Variants in FHL1 observed in about 807,000 individuals in gnomAD.
FHL1 encodes four and a half LIM domains protein 1.
Under a neutral mutation model 20.3 loss-of-function variants are expected in FHL1, and 1 was observed. The ratio of observed to expected loss-of-function variants is 0.05; its 90% confidence interval spans 0.02 to 0.23. FHL1 has a LOEUF of 0.23. Ranked by LOEUF, FHL1 falls within the 10% of genes least tolerant of loss-of-function variation. The pLI is 1.00. For missense variants in FHL1, 177 were observed against 234.0 expected (o/e 0.76, Z 1.59); for synonymous variants, 82 against 88.9 (o/e 0.92, Z 0.44).
chrX:136,183,246 AT>A (rs991885488), intron 2 of FHL1, among the ~76,000 whole-genome samples: 1 of 111,689 alleles, frequency 9.0e-6, no homozygotes, highest in African/African-American at 3.2e-5. Context: ...AAAATAAATT[AT>A]ATTTGGAGAG....
rs777858178 is a variant in FHL1, at chrX:136,147,571, C to T, written c.-158C>T. 0.027 allele frequency: 2,994 copies of T among 109,658 alleles called. 100 individuals are homozygous for T. Among genetic ancestry groups the T allele is most frequent in the African/African-American group, 0.094 (2,828 of 29,958 alleles). The allele number at this position is 109,658 out of a possible 1,213,427, so 9.0% of individuals were successfully genotyped here. ...CGCCGCCACCGCCGCGCCTCGGCCT[C>T]GGTGCAGGCAGCGGCCGCCGCCGCC... On this transcript the variant is annotated 5_prime_UTR_variant, in exon 1 of 8. Coordinates refer to the FHL1 transcript ENST00000394155.
At chrX:136,159,547 A>G (rs1313304330) in intron 1 of FHL1, among the ~76,000 whole-genome samples, 1 of 111,832 alleles carries the variant, frequency 8.9e-6, no homozygotes, top group Non-Finnish European at 1.9e-5. Context: ...GTCTTAAATA[A>G]ATACATAAAT....
rs774874438 is a variant in FHL1, at chrX:136,178,257, A to G, written c.-27+8277A>G. Among the ~76,000 whole-genome samples the G allele has an allele frequency of 7.1e-5, 8 of 112,012 alleles. No individual in the cohort carries two copies. In the South Asian group the frequency reaches 3.0e-3, roughly 42 times the overall value. ...TTATAATTTATGTATTTCATTATTG[A>G]TATTTCAATTTTGTTTGAACAACTG... On this transcript the variant is annotated intron_variant, in intron 2 of 6. Transcript: ENST00000394153.
At chrX:136,164,765 T>C (rs1245275337), upstream of FHL1, among the ~76,000 whole-genome samples, 1 of 111,526 alleles carries the variant, frequency 9.0e-6, no homozygotes, top group Non-Finnish European at 1.9e-5. Flanking sequence ...GACTCAGTAT[T>C]TTACAGGGTT....
At chrX:136,170,297 G>A (rs1356674040) in intron 2 of FHL1, among the ~76,000 whole-genome samples, 1 of 111,846 alleles carries the variant, frequency 8.9e-6, no homozygotes, top group Non-Finnish European at 1.9e-5. Context: ...GAGCAGGAAA[G>A]CTGCATGGAG....
At chrX:136,190,778 G>C (rs1294515565) in intron 2 of FHL1, among the ~76,000 whole-genome samples, 1 of 111,937 alleles carries the variant, frequency 8.9e-6, no homozygotes, top group Non-Finnish European at 1.9e-5. Flanking sequence ...ACAAGGAATA[G>C]TGCCTTCGGA....
chrX:136,199,805 T>C (rs944092110), intron 1 of FHL1, among the ~76,000 whole-genome samples: 2 of 112,280 alleles, frequency 1.8e-5, no homozygotes, highest in Non-Finnish European at 3.8e-5. Flanking sequence ...ACTCATGATA[T>C]TCACATTCTC....
chrX:136,157,639 C>T (rs1455253274), intron 1 of FHL1, among the ~76,000 whole-genome samples: 3 of 111,044 alleles, frequency 2.7e-5, no homozygotes, highest in Non-Finnish European at 5.7e-5. Flanking sequence ...CCCCCAGCCC[C>T]TTTCCCCCAG....
chrX:136,149,481 T>G (rs1180188088), intron 1 of FHL1, among the ~76,000 whole-genome samples: 1 of 112,317 alleles, frequency 8.9e-6, no homozygotes, highest in Non-Finnish European at 1.9e-5. Flanking sequence ...AATATAATCT[T>G]TATGCAACAG....
chrX:136,187,648 A>C (rs1050703916), intron 2 of FHL1, among the ~76,000 whole-genome samples: 4 of 111,016 alleles, frequency 3.6e-5, no homozygotes, highest in Admixed American at 9.6e-5. Context: ...TTCCATTGCC[A>C]GAAGTGGCAC....
intron 2 of FHL1, among the ~76,000 whole-genome samples, chrX:136,180,124 T>G (rs1009383801): frequency 8.9e-6 from 1 of 112,233 alleles, no homozygotes; most frequent in Non-Finnish European, 1.9e-5. Context: ...GTAACTCAAA[T>G]GTGCAATATG....
At chrX:136,149,101 A>C (rs745986535) in intron 1 of FHL1, among the ~76,000 whole-genome samples, 1 of 111,951 alleles carries the variant, frequency 8.9e-6, no homozygotes, top group South Asian at 3.7e-4. Flanking sequence ...AGCAGGAATA[A>C]TTTTTTCCGT....
At chrX:136,189,384 G>C (rs1468724215) in intron 2 of FHL1, among the ~76,000 whole-genome samples, 2 of 111,757 alleles carry the variant, frequency 1.8e-5, no homozygotes, top group East Asian at 2.8e-4. Flanking sequence ...TGAGTCCCTA[G>C]GACTTTGAGT....
intron 5 of FHL1, chrX:136,209,199 G>A: frequency 8.6e-7 from 1 of 1,158,740 alleles, no homozygotes; most frequent in Non-Finnish European, 1.2e-6. Context: ...ATCTTCCCGG[G>A]GAGCCTTGAA....
chrX:136,176,367 A>G (rs757111041), intron 2 of FHL1, among the ~76,000 whole-genome samples: 1 of 112,517 alleles, frequency 8.9e-6, no homozygotes, highest in East Asian at 2.8e-4. Context: ...TATTTCAGAT[A>G]TACTTGTTTC....
At chrX:136,170,071 T>C (rs1310500352) in intron 2 of FHL1, 1 of 249,924 alleles carries the variant, frequency 4.0e-6, no homozygotes, top group Admixed American at 4.3e-5. Context: ...AGGGCTTTAT[T>C]TGTACCAGGA....
At chrX:136,166,679 G>GT (rs1476527641), upstream of FHL1, among the ~76,000 whole-genome samples, 1 of 112,196 alleles carries the variant, frequency 8.9e-6, no homozygotes, top group Admixed American at 9.4e-5. Flanking sequence ...AGAAGGGTGA[G>GT]TAAGATGAAA....
intron 1 of FHL1, among the ~76,000 whole-genome samples, chrX:136,199,162 T>C (rs2073637437): frequency 9.0e-6 from 1 of 111,453 alleles, no homozygotes; most frequent in Non-Finnish European, 1.9e-5. Context: ...ACGTAATCTG[T>C]GCAACATTAT....
In FHL1 at chrX:136,210,390, C is replaced by T. The variant is rs1340943446; in HGVS notation, c.*365C>T. 1 of 397,952 alleles carries T rather than the reference C, an allele frequency of 2.5e-6. No homozygotes were observed. The highest frequency in any genetic ancestry group is 4.7e-6 in the Non-Finnish European group (1 of 212,897). The allele number at this position is 397,952 out of a possible 1,213,427, so 32.8% of individuals were successfully genotyped here. A position where few individuals can be genotyped will look rare whatever the true frequency, so the allele number is the denominator to read the frequency against. On this transcript the variant is annotated 3_prime_UTR_variant, in exon 6 of 6. Transcript: ENST00000370683. ...AACCCCCACTGAGATGCCTCTCATGCCTCAGCTGGGACCCACCGTGTAGAC... is the reference window on the plus strand; with the variant it reads ...AACCCCCACTGAGATGCCTCTCATGTCTCAGCTGGGACCCACCGTGTAGAC...
Sources: allele counts gnomAD v4.1 joint callset (sites outside exome capture counted in the v4.1 genomes callset), GRCh38; gene constraint gnomAD v4.1.1; transcripts MANE v1.5; gene names NCBI Gene and HGNC (gene_info 2026-07-23, HGNC 2026-07-21).